The following MTARC2 variants were observed in gnomAD, a reference collection of about 807,000 sequenced individuals.
The protein encoded by MTARC2 is mitochondrial amidoxime reducing component 2, also known as MOCO sulphurase C-terminal domain containing 2.
A neutral mutation model predicts 35.6 loss-of-function variants in MTARC2; 27 were observed. That is an observed-to-expected ratio of 0.76 (90% CI 0.56 to 1.04). The LOEUF (loss-of-function observed/expected upper bound fraction) is 1.04, where lower values mean the gene tolerates loss of function less well. MTARC2 is among the 50% of genes least tolerant of loss of function. MTARC2 has a pLI of 0.00. For missense variants in MTARC2, 412 were observed against 432.5 expected, an observed-to-expected ratio of 0.95 and a Z score of 0.42; for synonymous variants, 158 against 167.1, an observed-to-expected ratio of 0.95 and a Z score of 0.42.
chr1:220,768,780 A>G (rs1450855385), intron 4 of MTARC2, among the ~76,000 whole-genome samples: 3 of 152,148 alleles, frequency 2.0e-5, no homozygotes, highest in African/African-American at 7.2e-5. Flanking sequence ...GTTAGAAGCA[A>G]GCTGAAAGCA....
At chr1:220,772,806 G>C (rs79564584) in intron 4 of MTARC2, among the ~76,000 whole-genome samples, 3,610 of 152,234 alleles carry the variant, frequency 0.024, 108 homozygotes, top group African/African-American at 0.064. Context: ...TATAAGAAGA[G>C]TGATTAGATT....
chr1:220,753,909 G>T lies in MTARC2; in HGVS notation c.273-1038G>T, dbSNP rs1443080123. Among the ~76,000 whole-genome samples the T allele has an allele frequency of 6.6e-5, 10 of 152,062 alleles. No individual in the cohort carries two copies. In the East Asian group the frequency reaches 1.9e-3, roughly 29 times the overall value. ...TACTAAAAGTACAAAAATTAGCTGG[G>T]CGTGGTGGTACACACCTGTAATCCC... On this transcript the variant is annotated intron_variant, in intron 1 of 7. Coordinates refer to ENST00000366913, the MANE Select transcript of MTARC2 (RefSeq NM_017898.5).
rs57739324 is a variant in MTARC2 at position 220,769,934 on chromosome 1, C to CAAAAAAAAAAAAAA, written c.750+6894_750+6907dup. ...TGAAACTCCATCTCTACTAAAAATACAAAAAAAAAAAAAAAAAAAAAAATT... is the reference window on the plus strand; with the variant it reads ...TGAAACTCCATCTCTACTAAAAATACAAAAAAAAAAAAAAAAAAAAAAAAAAAAAAAAAAAAATT... On this transcript the variant is annotated intron_variant, in intron 4 of 7. Transcript: ENST00000366913. 5.4e-4 allele frequency among the ~76,000 whole-genome samples: 34 copies of CAAAAAAAAAAAAAA among 63,400 alleles called. 2 individuals are homozygous for CAAAAAAAAAAAAAA. Among genetic ancestry groups the CAAAAAAAAAAAAAA allele is most frequent in the Admixed American group, 7.3e-4 (3 of 4,096 alleles). 41.6% of individuals were successfully genotyped at this position (63,400 alleles called of 152,430 possible).
chr1:220,749,209 C>T (rs143270079), intron 1 of MTARC2, among the ~76,000 whole-genome samples: 95 of 152,256 alleles, frequency 6.2e-4, no homozygotes, highest in African/African-American at 1.9e-3. Flanking sequence ...GGGCCTTGTT[C>T]CTCACATTTC....
intron 2 of MTARC2, among the ~76,000 whole-genome samples, chr1:220,758,831 ATG>A (rs761426962): frequency 8.0e-5 from 10 of 124,528 alleles, no homozygotes; most frequent in South Asian, 5.3e-4. Flanking sequence ...ATGTGAAAAT[ATG>A]TGTGTGTGTG....
chr1:220,777,955 G>T (rs1671961755), intron 4 of MTARC2, among the ~76,000 whole-genome samples: 1 of 152,092 alleles, frequency 6.6e-6, no homozygotes, highest in Non-Finnish European at 1.5e-5. Context: ...AAGAAAAGAG[G>T]TTTAGGCTGG....
At position 220,762,516 on chromosome 1, in the gene MTARC2, C is replaced by A. The variant is rs185968458; in HGVS notation, c.610-394C>A. On this transcript the variant is annotated intron_variant, in intron 3 of 7. Coordinates refer to ENST00000366913, the MANE Select transcript of MTARC2 (RefSeq NM_017898.5). ...CTGCTGTTTCCCCACTAGAACAGTG[C>A]CTGGTAGGTGCTCAGTAAATGCCTA... 2.5e-3 allele frequency among the ~76,000 whole-genome samples: 375 copies of A among 152,316 alleles called. 3 individuals are homozygous for A. The highest frequency in any genetic ancestry group is 9.6e-4 in the Non-Finnish European group (65 of 68,026).
In MTARC2 at chr1:220,748,937, G is replaced by T. The variant is rs1482696146; in HGVS notation, c.272+134G>T. The T allele has an allele frequency of 3.3e-6, 4 of 1,215,794 alleles. No individual in the cohort carries two copies. In the African/African-American group the frequency reaches 6.4e-5, roughly 20 times the overall value. The allele number at this position is 1,215,794 out of a possible 1,614,324, so 75.3% of individuals were successfully genotyped here. ...GAGTTTCTGGGCTGACTGTTGGGCC[G>T]TTGGTCGTTTATCTGGGAAGGCCAA... On this transcript the variant is annotated intron_variant, in intron 1 of 7. Coordinates refer to ENST00000366913, the MANE Select transcript of MTARC2 (RefSeq NM_017898.5).
At chr1:220,754,448 C>A in intron 1 of MTARC2, 1 of 456,304 alleles carries the variant, frequency 2.2e-6, no homozygotes, top group Non-Finnish European at 4.4e-6. Flanking sequence ...TTAAACAGAG[C>A]AGAGGCTGGC....
At chr1:220,750,047 C>T (rs969094565) in intron 1 of MTARC2, among the ~76,000 whole-genome samples, 2 of 152,156 alleles carry the variant, frequency 1.3e-5, no homozygotes, top group African/African-American at 2.4e-5. Context: ...TCAACTATAA[C>T]TTCCTGAGAT....
At chr1:220,783,214 GCATAAAATTAT>G (rs1672129331) in intron 7 of MTARC2, among the ~76,000 whole-genome samples, 1 of 149,648 alleles carries the variant, frequency 6.7e-6, no homozygotes, top group African/African-American at 2.5e-5. Context: ...TATCAGTGAT[GCATAAAATTAT>G]CAGTGATGCA....
intron 4 of MTARC2, among the ~76,000 whole-genome samples, chr1:220,769,451 GCCTCCA>G (rs1671674704): frequency 2.0e-5 from 3 of 152,214 alleles, no homozygotes; most frequent in Admixed American, 2.0e-4. Context: ...CAACACTGGT[GCCTCCA>G]TCTCAGGTGC....
At chr1:220,770,331 T>G in intron 4 of MTARC2, 20 of 947,174 alleles carry the variant, frequency 2.1e-5, no homozygotes, top group South Asian at 4.9e-5. Context: ...ACTTGGCCAT[T>G]GAGTTGTGTT....
rs557532439 is a variant in MTARC2, at chr1:220,753,378, A to G, written c.273-1569A>G. On this transcript the variant is annotated intron_variant, in intron 1 of 7. Transcript: ENST00000366913. ...TACACTGCCACACCATCATAATGCC[A>G]GTTAGCAGAGCACAGGCTGCCAGCC... Among the ~76,000 whole-genome samples the G allele has an allele frequency of 1.9e-4, 29 of 152,368 alleles. No individual in the cohort carries two copies. The East Asian group carries it at 4.6e-3, about 24-fold the overall frequency.
In MTARC2 at chr1:220,771,707, G is replaced by A. The variant is rs1391599258; in HGVS notation, c.751-8311G>A. Among the ~76,000 whole-genome samples the A allele has an allele frequency of 5.3e-5, 8 of 151,626 alleles. No homozygotes were observed. The South Asian group carries it at 6.2e-4, about 12-fold the overall frequency. ...AAAACACAGTATAGATTAAAGAAAC[G>A]CATAAAAATTCCTCATTGGGTAACA... On this transcript the variant is annotated intron_variant, in intron 4 of 7. Coordinates refer to ENST00000366913, the MANE Select transcript of MTARC2 (RefSeq NM_017898.5).
At chr1:220,756,785 TA>T (rs1353188602) in intron 2 of MTARC2, among the ~76,000 whole-genome samples, 3 of 152,210 alleles carry the variant, frequency 2.0e-5, no homozygotes, top group Non-Finnish European at 4.4e-5. Flanking sequence ...CTTTACCAGC[TA>T]AATAGGCAGA....
chr1:220,750,328 T>TCCCC (rs1671095906), intron 1 of MTARC2, among the ~76,000 whole-genome samples: 1 of 152,218 alleles, frequency 6.6e-6, no homozygotes, highest in Admixed American at 6.5e-5. Flanking sequence ...AAAATTAGTG[T>TCCCC]TGCAGGCTAG....
rs9970127 is a variant in MTARC2 at position 220,776,116 on chromosome 1, G to A, written c.751-3902G>A. On this transcript the variant is annotated intron_variant, in intron 4 of 7. Coordinates refer to ENST00000366913, the MANE Select transcript of MTARC2 (RefSeq NM_017898.5). ...AGAAATCTACAGATCGCTTTCCATG[G>A]TGGTTGAACCAATTTACATTCCTAC... is the stretch of plus-strand genomic sequence containing the variant. Among the ~76,000 whole-genome samples the A allele has an allele frequency of 7.5e-3, 1,138 of 152,296 alleles. 17 individuals are homozygous for A. Among genetic ancestry groups the A allele is most frequent in the African/African-American group, 0.026 (1,078 of 41,566 alleles).
At chr1:220,780,361 T>C in intron 6 of MTARC2, 122 bp downstream of exon 6, 1 of 794,814 alleles carries the variant, frequency 1.3e-6, no homozygotes, top group South Asian at 2.0e-5. Flanking sequence ...AACCTTCCAG[T>C]CTACCTTCTG....
Sources: gnomAD v4.1 joint callset for allele counts (sites outside exome capture counted in the v4.1 genomes callset) on GRCh38, gnomAD v4.1.1 for gene constraint, MANE v1.5 for transcripts, NCBI Gene and HGNC (gene_info 2026-07-23, HGNC 2026-07-21) for gene names.